RIMBP2: variants seen among roughly 807,000 people sequenced by gnomAD.
RIMBP2 encodes the protein RIMS binding protein 2.
A neutral mutation model predicts 118.6 loss-of-function variants in RIMBP2; 48 were observed. The ratio of observed to expected loss-of-function variants is 0.40; its 90% confidence interval spans 0.32 to 0.51. The LOEUF (loss-of-function observed/expected upper bound fraction) is 0.51. Ranked by LOEUF, RIMBP2 falls within the 20% of genes least tolerant of loss-of-function variation. The pLI, the probability that RIMBP2 is intolerant of heterozygous loss-of-function variation, is 0.41. For missense variants in RIMBP2, 1,551 were observed against 1,768.3 expected (o/e 0.88, Z 2.20); for synonymous variants, 762 against 742.9 (o/e 1.03, Z -0.42).
At chr12:130,700,745 T>A (rs1282694206) in intron 1 of RIMBP2, among the ~76,000 whole-genome samples, 2 of 152,144 alleles carry the variant, frequency 1.3e-5, no homozygotes, top group African/African-American at 4.8e-5. Context: ...AGCCCCCTAG[T>A]TCATTCTAAG....
intron 13 of RIMBP2, 140 bp downstream of exon 13, chr12:130,436,702 G>A: frequency 1.8e-6 from 1 of 559,058 alleles, no homozygotes; most frequent in Non-Finnish European, 2.7e-6. Context: ...GAGTCCACCA[G>A]CAAAGCGGTG....
chr12:130,405,402 C>T (rs979675477), intron 21 of RIMBP2, among the ~76,000 whole-genome samples: 3 of 152,114 alleles, frequency 2.0e-5, no homozygotes, highest in Non-Finnish European at 2.9e-5. Flanking sequence ...CAGTTCTTGC[C>T]GATTCTGATA....
intron 3 of RIMBP2, among the ~76,000 whole-genome samples, chr12:130,513,901 T>C (rs1023303954): frequency 1.3e-5 from 2 of 152,230 alleles, no homozygotes; most frequent in African/African-American, 4.8e-5. Flanking sequence ...CCCAAGTGTC[T>C]CCAGGGATCC....
At chr12:130,633,614 C>A (rs1427699867) in intron 1 of RIMBP2, among the ~76,000 whole-genome samples, 2 of 152,132 alleles carry the variant, frequency 1.3e-5, no homozygotes, top group Non-Finnish European at 2.9e-5. Context: ...CAATTAAGAC[C>A]CAAAGGTTTA....
intron 19 of RIMBP2, among the ~76,000 whole-genome samples, chr12:130,412,133 T>C (rs542397826): frequency 6.0e-4 from 91 of 152,282 alleles, no homozygotes; most frequent in Admixed American, 1.1e-3. Context: ...TCACTGGTGC[T>C]TGCAGACTGG....
At chr12:130,495,654 C>T (rs1371364786) in intron 4 of RIMBP2, among the ~76,000 whole-genome samples, 1 of 152,188 alleles carries the variant, frequency 6.6e-6, no homozygotes. Context: ...TGGCATGGTA[C>T]CTGGCTATCC....
At chr12:130,613,680 G>C (rs917476182) in intron 2 of RIMBP2, among the ~76,000 whole-genome samples, 5 of 152,038 alleles carry the variant, frequency 3.3e-5, no homozygotes, top group Admixed American at 1.3e-4. Flanking sequence ...TGGGTGTGGT[G>C]GCGGGTGCCT....
Position 130,525,002 on chromosome 12 carries a change from C to T in RIMBP2, c.-216-7085G>A, listed in dbSNP as rs1179653321. Among the ~76,000 whole-genome samples, 2 of 152,162 alleles carry T rather than the reference C, an allele frequency of 1.3e-5. No homozygotes were observed. Among genetic ancestry groups the T allele is most frequent in the African/African-American group, 4.8e-5 (2 of 41,442 alleles). ...TGGGAATGCTCAGGGGACAGGTCCC[C>T]ACATGGCCCAGAGCTCAGGAAGGAG... is the stretch of plus-strand genomic sequence containing the variant. On this transcript the variant is annotated intron_variant, in intron 2 of 22. Transcript: ENST00000690449. The surrounding 1 kb of genome is among the most constrained non-coding windows in gnomAD (Gnocchi z 4.4).
intron 2 of RIMBP2, among the ~76,000 whole-genome samples, chr12:130,585,592 G>A (rs1408196640): frequency 6.8e-6 from 1 of 146,304 alleles, no homozygotes; most frequent in Non-Finnish European, 1.5e-5. Flanking sequence ...ACTCCAGCCT[G>A]GGTGACGGTG....
chr12:130,440,263 C>T lies in RIMBP2; in HGVS notation c.1504+1585G>A, dbSNP rs1403807798. On this transcript the variant is annotated intron_variant, in intron 11 of 22. Coordinates refer to ENST00000690449, the MANE Select transcript of RIMBP2 (RefSeq NM_001393629.1). The stretch of plus-strand genomic sequence containing the variant: ...CTGGCCGTACCTGCACCACCATCCC[C>T]GGGCATGGCTAACCCTGGCCATACC... Among the ~76,000 whole-genome samples, 8 of 152,084 alleles carry T rather than the reference C, an allele frequency of 5.3e-5. No homozygotes were observed. The East Asian group carries it at 5.8e-4, about 11-fold the overall frequency.
At chr12:130,630,567 G>T (rs1388723889) in intron 1 of RIMBP2, among the ~76,000 whole-genome samples, 1 of 152,118 alleles carries the variant, frequency 6.6e-6, no homozygotes, top group African/African-American at 2.4e-5. Context: ...ACATGTTCTA[G>T]ATTAAAGGAT....
At chr12:130,499,926 G>A (rs974667381) in intron 4 of RIMBP2, among the ~76,000 whole-genome samples, 4 of 152,158 alleles carry the variant, frequency 2.6e-5, no homozygotes, top group African/African-American at 7.2e-5. Context: ...TTTAGGTGTG[G>A]GTTCAATTAG....
At chr12:130,470,894 TTTTA>T (rs1178583187) in intron 5 of RIMBP2, among the ~76,000 whole-genome samples, 151 bp from the exon 6 acceptor site, 1 of 152,220 alleles carries the variant, frequency 6.6e-6, no homozygotes, top group African/African-American at 2.4e-5. Context: ...ATTATTTAAC[TTTTA>T]TTTGAGTTTC....
At chr12:130,591,354 G>A (rs1327010042) in intron 2 of RIMBP2, among the ~76,000 whole-genome samples, 1 of 152,190 alleles carries the variant, frequency 6.6e-6, no homozygotes, top group African/African-American at 2.4e-5. Flanking sequence ...CAGTGACAGA[G>A]GATTCATAAA....
intron 2 of RIMBP2, among the ~76,000 whole-genome samples, chr12:130,615,197 A>C (rs1397773590): frequency 1.4e-5 from 2 of 146,150 alleles, no homozygotes; most frequent in African/African-American, 5.0e-5. Flanking sequence ...CAATATTACA[A>C]CATATACATC....
Position 130,578,640 on chromosome 12 carries a change from C to T in RIMBP2, c.-217+49682G>A, listed in dbSNP as rs919445238. On this transcript the variant is annotated intron_variant, in intron 2 of 22. Coordinates refer to ENST00000690449, the MANE Select transcript of RIMBP2 (RefSeq NM_001393629.1). This position sits in a 1 kb window ranked among gnomAD's most constrained non-coding sequence, Gnocchi z 4.1. ...CTTGGATCTTCACGTTAGCTCATTC[C>T]TTGACATTCAGCTCTCAGCGCAAAT... 6.6e-6 allele frequency among the ~76,000 whole-genome samples: 1 copy of T among 152,232 alleles called. No individual in the cohort carries two copies. Among genetic ancestry groups the T allele is most frequent in the African/African-American group, 2.4e-5 (1 of 41,462 alleles).
intron 4 of RIMBP2, among the ~76,000 whole-genome samples, chr12:130,500,414 C>T (rs1259335513): frequency 2.0e-5 from 3 of 152,268 alleles, no homozygotes; most frequent in African/African-American, 4.8e-5. Context: ...GCCCAGATCA[C>T]GCCACTGCAC....
rs143305848 is a variant in RIMBP2 at position 130,494,833 on chromosome 12, C to G, written c.-4+11815G>C. Among the ~76,000 whole-genome samples the G allele has an allele frequency of 3.0e-4, 45 of 152,310 alleles. 1 individual carries two copies. The highest frequency in any genetic ancestry group is 7.8e-4 in the Admixed American group (12 of 15,302). ...ACCGCTGGGTCACAAAGTACCACAA[C>G]TGGCACTTCTGCTTAAGACAATGGA... On this transcript the variant is annotated intron_variant, in intron 4 of 22. Transcript: ENST00000690449.
chr12:130,423,317 G>A (rs562819220), intron 16 of RIMBP2, among the ~76,000 whole-genome samples: 2 of 152,214 alleles, frequency 1.3e-5, no homozygotes, highest in Non-Finnish European at 2.9e-5. Flanking sequence ...AGGGGAGGCT[G>A]CGGGCTGCCG....
Sources: allele counts gnomAD v4.1 joint callset (sites outside exome capture counted in the v4.1 genomes callset), GRCh38; gene constraint gnomAD v4.1.1; non-coding constraint Gnocchi (gnomAD v3.1); transcripts MANE v1.5; gene names NCBI Gene and HGNC (gene_info 2026-07-23, HGNC 2026-07-21).